The following SEL1L variants were observed in gnomAD, a reference collection of about 807,000 sequenced individuals.
SEL1L encodes SEL1L adaptor subunit of SYVN1 ubiquitin ligase, also known as protein sel-1 homolog 1.
Under a neutral mutation model 109.8 loss-of-function variants are expected in SEL1L, and 52 were observed. The observed-to-expected ratio is 0.47, with a 90% CI of 0.38 to 0.60. The LOEUF (loss-of-function observed/expected upper bound fraction) is 0.60, where lower values mean the gene tolerates loss of function less well. SEL1L is among the 20% of genes least tolerant of loss of function. The probability of loss-of-function intolerance (pLI) is 0.00; values close to 1 mark genes in which losing one functional copy is unlikely to be tolerated. For missense variants in SEL1L, 749 were observed against 962.2 expected (o/e 0.78, Z 2.93); for synonymous variants, 373 against 339.6 (o/e 1.10, Z -1.08).
At chr14:81,480,981 C>CA (rs1903338458) in intron 19 of SEL1L, among the ~76,000 whole-genome samples, 1 of 152,164 alleles carries the variant, frequency 6.6e-6, no homozygotes, top group Admixed American at 6.6e-5. Context: ...ACTCTTTCCT[C>CA]AAGTGCATTG....
chr14:81,494,845 C>T (rs1361051626), intron 11 of SEL1L, among the ~76,000 whole-genome samples: 2 of 152,092 alleles, frequency 1.3e-5, no homozygotes, highest in Admixed American at 1.3e-4. Flanking sequence ...GGTCAAAGAC[C>T]AAAACTATTT....
rs199761090 is a variant in SEL1L, at chr14:81,479,600, C to A, written c.2175+12G>T. On this transcript the variant is annotated intron_variant, in intron 20 of 20. Transcript: ENST00000336735. The stretch of plus-strand genomic sequence containing the variant: ...ATTTATATTTTAATGAAAAGAGGTA[C>A]GGACCACTTACGTTTGTTTCCCGTA... 1.9e-6 allele frequency: 3 copies of A among 1,599,480 alleles called. No homozygotes were observed. The highest frequency in any genetic ancestry group is 1.4e-5 in the African/African-American group (1 of 73,940).
chr14:81,498,369 A>G (rs759977929), intron 9 of SEL1L, 44 bp downstream of exon 9: 2 of 1,467,276 alleles, frequency 1.4e-6, no homozygotes, highest in South Asian at 1.2e-5. Context: ...AGTTAATTCC[A>G]TTTATTTTTT....
intron 3 of SEL1L, among the ~76,000 whole-genome samples, chr14:81,511,755 A>G (rs1258615633): frequency 6.6e-6 from 1 of 152,206 alleles, no homozygotes; most frequent in Non-Finnish European, 1.5e-5. Flanking sequence ...TTGCTTCAGA[A>G]CCCAATTTTA....
intron 10 of SEL1L, among the ~76,000 whole-genome samples, chr14:81,495,756 G>A (rs1016503839): frequency 1.3e-5 from 2 of 152,112 alleles, no homozygotes; most frequent in Non-Finnish European, 2.9e-5. Flanking sequence ...GGCTAACATG[G>A]TGAAATCCCA....
rs751476998 is a variant in SEL1L at position 81,526,938 on chromosome 14, T to A, written c.135A>T (p.Val45=). 12 of 1,610,416 alleles carry A rather than the reference T, an allele frequency of 7.5e-6. No homozygotes were observed. Among genetic ancestry groups the A allele is most frequent in the Non-Finnish European group, 1.0e-5 (12 of 1,178,346 alleles). ...CTCTGCCTGCAGTAGTATGGTCCTT[T>A]ACTGACTCATCTGATGTCAAAGTAG... is the stretch of plus-strand genomic sequence containing the variant. ...SKTTLTSDES[V]KDHTTAGRVV... is the part of the protein sequence containing the mutation. Residue 45 remains valine, a synonymous_variant, in exon 3 of 21, where the codon GTA becomes GTT. Coordinates refer to ENST00000336735, the MANE Select transcript of SEL1L (RefSeq NM_005065.6).
intron 5 of SEL1L, among the ~76,000 whole-genome samples, chr14:81,503,346 A>G (rs1884097337): frequency 6.6e-6 from 1 of 150,900 alleles, no homozygotes; most frequent in African/African-American, 2.4e-5. Flanking sequence ...CCTTTTTTTA[A>G]TTTTTTTTTG....
At chr14:81,520,605 C>A (rs1406527651) in intron 3 of SEL1L, among the ~76,000 whole-genome samples, 1 of 152,190 alleles carries the variant, frequency 6.6e-6, no homozygotes, top group Non-Finnish European at 1.5e-5. Flanking sequence ...TTTCTTCTCA[C>A]TGGCCCAAAA....
intron 19 of SEL1L, among the ~76,000 whole-genome samples, chr14:81,480,380 G>A (rs1014575394): frequency 2.0e-5 from 3 of 152,020 alleles, no homozygotes; most frequent in Non-Finnish European, 2.9e-5. Flanking sequence ...TAGTAGAGAC[G>A]GGGTTTCACC....
chr14:81,509,917 C>T (rs1884393612), intron 3 of SEL1L, among the ~76,000 whole-genome samples: 1 of 152,102 alleles, frequency 6.6e-6, no homozygotes, highest in Non-Finnish European at 1.5e-5. Context: ...ACCAAATGAA[C>T]TCAAAGATCT....
chr14:81,517,451 A>C (rs1218010757), intron 3 of SEL1L, among the ~76,000 whole-genome samples: 1 of 152,186 alleles, frequency 6.6e-6, no homozygotes, highest in Non-Finnish European at 1.5e-5. Context: ...TAAACCAGAA[A>C]ACAAACAAAA....
intron 7 of SEL1L, 43 bp from the exon 8 acceptor site, chr14:81,499,561 T>A: frequency 6.2e-7 from 1 of 1,607,124 alleles, no homozygotes; most frequent in Non-Finnish European, 8.5e-7. Flanking sequence ...TAGGCACGCA[T>A]TTATTCAATT....
intron 11 of SEL1L, among the ~76,000 whole-genome samples, chr14:81,494,428 C>T (rs1483550375): frequency 3.9e-5 from 6 of 152,206 alleles, no homozygotes; most frequent in Non-Finnish European, 8.8e-5. Flanking sequence ...TTCTATACTG[C>T]AGCCAAAGCC....
In SEL1L at chr14:81,527,713, G is replaced by A. The variant is rs1016729048; in HGVS notation, c.96C>T (p.Ser32=). ...SSDEEGSQDE[S]LDSKTTLTSD... ...TTTTAGTACATACCTTGGAATCTAA[G>A]GATTCATCCTGGCTGCCTTCTTCAT... The change falls in exon 2 of 21, where the codon TCC becomes TCT. Residue 32 remains serine (S), a synonymous_variant. Coordinates refer to ENST00000336735, the MANE Select transcript of SEL1L (RefSeq NM_005065.6). 5.0e-6 allele frequency: 8 copies of A among 1,601,942 alleles called. No homozygotes were observed. Among genetic ancestry groups the A allele is most frequent in the Non-Finnish European group, 6.8e-6 (8 of 1,174,448 alleles).
At chr14:81,510,503 T>C (rs1401600560) in intron 3 of SEL1L, among the ~76,000 whole-genome samples, 2 of 132,650 alleles carry the variant, frequency 1.5e-5, no homozygotes, top group Admixed American at 7.9e-5. Context: ...TCTCTCTCTC[T>C]CTCTCTCTCT....
intron 11 of SEL1L, 57 bp downstream of exon 11, chr14:81,495,024 G>C: frequency 6.7e-7 from 1 of 1,500,894 alleles, no homozygotes; most frequent in Non-Finnish European, 9.2e-7. Flanking sequence ...GAAATACATT[G>C]GGAACATCAT....
At chr14:81,496,216 C>T (rs906745155) in intron 10 of SEL1L, among the ~76,000 whole-genome samples, 2 of 150,140 alleles carry the variant, frequency 1.3e-5, no homozygotes, top group African/African-American at 2.5e-5. Context: ...CCCAGCTACT[C>T]GGGAGGCTGA....
chr14:81,500,189 G>A (rs990295535), intron 6 of SEL1L, among the ~76,000 whole-genome samples: 1 of 151,622 alleles, frequency 6.6e-6, no homozygotes, highest in African/African-American at 2.4e-5. Context: ...GAGATTACAG[G>A]GGTAAGCCAC....
At chr14:81,484,122 G>T in intron 19 of SEL1L, 103 bp downstream of exon 19, 1 of 1,257,530 alleles carries the variant, frequency 8.0e-7, no homozygotes, top group Non-Finnish European at 1.1e-6. Context: ...TTAGTGGCCT[G>T]AAATCCAACT....
Sources: gnomAD v4.1 joint callset for allele counts (sites outside exome capture counted in the v4.1 genomes callset) on GRCh38, gnomAD v4.1.1 for gene constraint, MANE v1.5 for transcripts, NCBI Gene and HGNC (gene_info 2026-07-23, HGNC 2026-07-21) for gene names.